TMC2: variants seen among roughly 807,000 people sequenced by gnomAD.
TMC2 encodes transmembrane channel-like protein 2.
Under a neutral mutation model 105.9 loss-of-function variants are expected in TMC2, and 102 were observed. That is an observed-to-expected ratio of 0.96 (90% CI 0.82 to 1.14). TMC2 has a LOEUF of 1.14. Among genes scored for constraint, TMC2 ranks in the 50% most tolerant of loss-of-function variants. TMC2 has a pLI of 0.00. For synonymous variants in TMC2, 402 were observed against 422.8 expected, an observed-to-expected ratio of 0.95 and a Z score of 0.60; for missense variants, 1,093 against 1,134.3, an observed-to-expected ratio of 0.96 and a Z score of 0.52.
chr20:2,570,661 A>T (rs2086096815), intron 4 of TMC2, among the ~76,000 whole-genome samples: 1 of 152,174 alleles, frequency 6.6e-6, no homozygotes. Flanking sequence ...TCTAAAATTC[A>T]CAGGAACCAA....
chr20:2,627,934 G>A (rs550569157), intron 17 of TMC2, among the ~76,000 whole-genome samples: 17 of 152,250 alleles, frequency 1.1e-4, no homozygotes, highest in South Asian at 6.2e-4. Flanking sequence ...TTGGGAGGCC[G>A]AGGTGGGCAG....
chr20:2,592,214 C>T lies in TMC2; in HGVS notation c.835-96C>T, dbSNP rs368697829. Reference sequence around the variant, plus strand: ...AAGAAAGAAGAAAATAGGTGTATTCCGCTCTGAGAAGGAAAGCATTTACCC... The same window carrying T: ...AAGAAAGAAGAAAATAGGTGTATTCTGCTCTGAGAAGGAAAGCATTTACCC... On this transcript the variant is annotated intron_variant, in intron 7 of 19. Coordinates refer to ENST00000358864, the MANE Select transcript of TMC2 (RefSeq NM_080751.3). This position sits in a 1 kb window ranked among gnomAD's most constrained non-coding sequence, Gnocchi z 4.9. 2.0e-5 allele frequency: 15 copies of T among 738,346 alleles called. No homozygotes were observed. The Middle Eastern group carries it at 8.4e-4, about 41-fold the overall frequency. The allele number at this position is 738,346 out of a possible 1,614,324, so 45.7% of individuals were successfully genotyped here.
rs549749803 is a variant in TMC2, at chr20:2,563,089, T to TC, written c.554+1085dup. On this transcript the variant is annotated intron_variant, in intron 4 of 19. Coordinates refer to ENST00000358864, the MANE Select transcript of TMC2 (RefSeq NM_080751.3). ...TTTGCCACAGCGTTGGGAGTGGCAC[T>TC]CCCCCCGTTTCCTCTGTAGGAAGCC... is the stretch of plus-strand genomic sequence containing the variant. 3.8e-4 allele frequency among the ~76,000 whole-genome samples: 58 copies of TC among 152,244 alleles called. 1 individual carries two copies. In the Middle Eastern group the frequency reaches 0.01, roughly 27 times the overall value.
chr20:2,558,979 G>T lies in TMC2; in HGVS notation c.401+205G>T, dbSNP rs1459627106. ...TCCCAGAACCGGGATGAAGATCGCGGGTCCGCGCGGGGGAGTGGCCGCGGG... is the reference window on the plus strand; with the variant it reads ...TCCCAGAACCGGGATGAAGATCGCGTGTCCGCGCGGGGGAGTGGCCGCGGG... On this transcript the variant is annotated intron_variant, in intron 3 of 19. Transcript: ENST00000358864. This position sits in a 1 kb window ranked among gnomAD's most constrained non-coding sequence, Gnocchi z 4.6. 6.6e-6 allele frequency among the ~76,000 whole-genome samples: 1 copy of T among 152,140 alleles called. No individual in the cohort carries two copies. Among genetic ancestry groups the T allele is most frequent in the Non-Finnish European group, 1.5e-5 (1 of 68,006 alleles).
intron 8 of TMC2, among the ~76,000 whole-genome samples, 193 bp from the exon 9 acceptor site, chr20:2,594,632 G>A (rs6037065): frequency 0.025 from 3,797 of 152,300 alleles, 151 homozygotes; most frequent in African/African-American, 0.084. Flanking sequence ...AGGAGAGAAA[G>A]AAGGGGAGAT....
intron 16 of TMC2, chr20:2,618,218 T>A (rs1160490190): frequency 1.3e-5 from 2 of 152,842 alleles, no homozygotes; most frequent in Non-Finnish European, 2.9e-5. Context: ...TCTACCTCCA[T>A]GAGATCCACT....
At chr20:2,560,596 G>T (rs1470523483) in intron 3 of TMC2, among the ~76,000 whole-genome samples, 3 of 152,044 alleles carry the variant, frequency 2.0e-5, no homozygotes, top group Non-Finnish European at 2.9e-5. Context: ...CCAGCACTTT[G>T]GGAGGCCGAG....
At chr20:2,584,347 G>A (rs1324054339) in intron 7 of TMC2, among the ~76,000 whole-genome samples, 1 of 142,840 alleles carries the variant, frequency 7.0e-6, no homozygotes, top group African/African-American at 2.9e-5. Flanking sequence ...GGGAGGCTGA[G>A]GCAGGAGAAT....
At chr20:2,594,347 C>T (rs2086290004) in intron 8 of TMC2, among the ~76,000 whole-genome samples, 1 of 151,230 alleles carries the variant, frequency 6.6e-6, no homozygotes, top group Non-Finnish European at 1.5e-5. Flanking sequence ...CCTGCCTCAG[C>T]CTCCCAAGTA....
intron 10 of TMC2, among the ~76,000 whole-genome samples, chr20:2,599,710 G>A (rs1362861749): frequency 6.6e-6 from 1 of 151,984 alleles, no homozygotes; most frequent in African/African-American, 2.4e-5. Flanking sequence ...CCAAAGCACT[G>A]GGATTACAGG....
rs1183838087 is a variant in TMC2 at position 2,536,696 on chromosome 20, T to A, written c.34+41T>A. ...GATCCTGCGGGGCCCGCCCACAGGG[T>A]TCCTGGGCAGCAGCAGGGGATGGGG... On this transcript the variant is annotated intron_variant, in intron 1 of 19. Transcript: ENST00000358864. 9 of 1,558,130 alleles carry A rather than the reference T, an allele frequency of 5.8e-6. No individual in the cohort carries two copies. In the Admixed American group the frequency reaches 1.8e-4, roughly 30 times the overall value.
At chr20:2,635,244 C>T (rs2086633326) in intron 17 of TMC2, among the ~76,000 whole-genome samples, 1 of 152,154 alleles carries the variant, frequency 6.6e-6, no homozygotes, top group African/African-American at 2.4e-5. Flanking sequence ...GGGCTGGACT[C>T]TAAAACCCAT....
intron 7 of TMC2, among the ~76,000 whole-genome samples, chr20:2,584,286 T>C (rs6115045): frequency 0.1 from 15,072 of 147,204 alleles, 968 homozygotes; most frequent in African/African-American, 0.15. Flanking sequence ...CTACTAAAAA[T>C]ACAAAAAATT....
At chr20:2,596,715 A>ATG (rs1282017304) in intron 9 of TMC2, among the ~76,000 whole-genome samples, 30 of 130,244 alleles carry the variant, frequency 2.3e-4, no homozygotes, top group Admixed American at 3.4e-4. Context: ...AAAAAAATAT[A>ATG]TATGTGTGTG....
chr20:2,571,755 C>G (rs1180607673), intron 4 of TMC2, among the ~76,000 whole-genome samples: 1 of 152,168 alleles, frequency 6.6e-6, no homozygotes, highest in African/African-American at 2.4e-5. Flanking sequence ...AATCCCAGCA[C>G]TTTGGGAGGC....
At chr20:2,629,977 G>T (rs923521879) in intron 17 of TMC2, among the ~76,000 whole-genome samples, 5 of 152,166 alleles carry the variant, frequency 3.3e-5, no homozygotes, top group African/African-American at 1.2e-4. Flanking sequence ...AATATTTATT[G>T]CCTGGCCCTC....
chr20:2,602,296 A>T lies in TMC2; in HGVS notation c.1408A>T (p.Asn470Tyr), dbSNP rs772284077. 1 of 1,588,730 alleles carries T rather than the reference A, an allele frequency of 6.3e-7. No individual in the cohort carries two copies. The highest frequency in any genetic ancestry group is 8.6e-7 in the Non-Finnish European group (1 of 1,167,646). Residue 470 changes from asparagine (N) to tyrosine (Y), a missense_variant, in exon 11 of 20, where the codon AAT becomes TAT. Asn to Tyr is a moderately radical substitution (Grantham distance 143). Transcript: ENST00000358864. ...GCAGAATGTCAGCTGGTATGAAAGG[A>T]ATGAGGTAAGAAAAACATCGCTGAT... ...KMQNVSWYER[N>Y]EVEIVMSLLG...
At chr20:2,602,402 C>T (rs2146224348) in intron 11 of TMC2, 101 bp downstream of exon 11, 2 of 892,660 alleles carry the variant, frequency 2.2e-6, no homozygotes, top group African/African-American at 1.7e-5. Flanking sequence ...GGATTATAGG[C>T]TTGTTTTAAT....
chr20:2,599,735 C>A (rs1420489621), intron 10 of TMC2, among the ~76,000 whole-genome samples: 1 of 152,034 alleles, frequency 6.6e-6, no homozygotes, highest in African/African-American at 2.4e-5. Flanking sequence ...AGCCACTGCA[C>A]CCAGCTCCCA....
Sources: allele counts gnomAD v4.1 joint callset (sites outside exome capture counted in the v4.1 genomes callset), GRCh38; gene constraint gnomAD v4.1.1; non-coding constraint Gnocchi (gnomAD v3.1); transcripts MANE v1.5; gene names NCBI Gene and HGNC (gene_info 2026-07-23, HGNC 2026-07-21).